Variants in FARP2 observed in about 807,000 individuals in gnomAD.
The protein encoded by FARP2 is FERM, ARHGEF and pleckstrin domain-containing protein 2.
Under a neutral mutation model 130.5 loss-of-function variants are expected in FARP2, and 111 were observed. The ratio of observed to expected loss-of-function variants is 0.85; its 90% confidence interval spans 0.73 to 1.00. The LOEUF (loss-of-function observed/expected upper bound fraction) is 1.00. Among genes scored for constraint, FARP2 ranks in the 50% least tolerant of loss-of-function variants. The pLI is 0.00. For synonymous variants in FARP2, 504 were observed against 516.9 expected (o/e 0.98, Z 0.34); for missense variants, 1,385 against 1,346.3 (o/e 1.03, Z -0.45).
At chr2:241,395,202 A>T (rs1038696787) in intron 2 of FARP2, among the ~76,000 whole-genome samples, 1 of 152,212 alleles carries the variant, frequency 6.6e-6, no homozygotes. Context: ...TGATCAACTC[A>T]GGAGCCACAA....
chr2:241,406,782 TG>T (rs2062364527), intron 4 of FARP2, among the ~76,000 whole-genome samples: 1 of 151,768 alleles, frequency 6.6e-6, no homozygotes, highest in Non-Finnish European at 1.5e-5. Flanking sequence ...TTTTTTAATG[TG>T]CAATTTCCTA....
intron 17 of FARP2, chr2:241,465,750 G>C: frequency 6.4e-7 from 1 of 1,550,662 alleles, no homozygotes; most frequent in East Asian, 2.4e-5. Context: ...CCACAGTGAC[G>C]ACGACGACTC....
chr2:241,483,320 T>G, intron 19 of FARP2, 145 bp from the exon 20 acceptor site: 1 of 681,932 alleles, frequency 1.5e-6, no homozygotes, highest in Non-Finnish European at 2.6e-6. Flanking sequence ...AGGAGCCCCA[T>G]TGGGAGGCTC....
At chr2:241,468,498 C>G (rs908265129) in intron 18 of FARP2, 121 bp downstream of exon 18, 3 of 718,926 alleles carry the variant, frequency 4.2e-6, no homozygotes, top group Non-Finnish European at 7.2e-6. Context: ...CCCATTAGGG[C>G]CTGGACCACA....
intron 13 of FARP2, 199 bp from the exon 14 acceptor site, chr2:241,456,548 T>C: frequency 3.4e-6 from 2 of 585,108 alleles, no homozygotes; most frequent in Non-Finnish European, 6.1e-6. Flanking sequence ...ATTGGGTAGA[T>C]GAACCATCAA....
chr2:241,426,362 GTAGT>G (rs1315743499), intron 8 of FARP2, among the ~76,000 whole-genome samples: 1 of 152,204 alleles, frequency 6.6e-6, no homozygotes, highest in Non-Finnish European at 1.5e-5. Context: ...TATAAAAAAA[GTAGT>G]TAAATTCACT....
intron 26 of FARP2, 48 bp downstream of exon 26, chr2:241,493,492 G>A (rs747579054): frequency 6.3e-6 from 10 of 1,576,548 alleles, no homozygotes; most frequent in Non-Finnish European, 8.7e-6. Flanking sequence ...TTCGATGTCC[G>A]CTCAGCTCCC....
rs1553723710 is a variant in FARP2, at chr2:241,437,670, A to ATTTTATTT, written c.1158+1136_1158+1137insATTTTTTT. ...TATATATTTATTTATTTATTTATTT[A>ATTTTATTT]TTTTTTTTTTTTGAGACGGAGTCTT... On this transcript the variant is annotated intron_variant, in intron 12 of 26. Coordinates refer to ENST00000264042, the MANE Select transcript of FARP2 (RefSeq NM_014808.4). Among the ~76,000 whole-genome samples the ATTTTATTT allele has an allele frequency of 9.5e-4, 126 of 133,122 alleles. 1 individual carries two copies. The highest frequency in any genetic ancestry group is 3.4e-3 in the Admixed American group (37 of 10,930). The allele number at this position is 133,122 out of a possible 152,430, so 87.3% of individuals were successfully genotyped here.
chr2:241,466,724 A>C, intron 17 of FARP2: 1 of 429,450 alleles, frequency 2.3e-6, no homozygotes, highest in Non-Finnish European at 2.9e-6. Flanking sequence ...GTACCCTCCT[A>C]GGGGCTTCCA....
At chr2:241,457,331 T>C (rs1574864402) in intron 14 of FARP2, among the ~76,000 whole-genome samples, 2 of 152,312 alleles carry the variant, frequency 1.3e-5, no homozygotes, top group African/African-American at 4.8e-5. Context: ...GCTTCTACTT[T>C]GACAATTGAG....
intron 2 of FARP2, among the ~76,000 whole-genome samples, chr2:241,388,234 T>C (rs77236136): frequency 0.016 from 2,431 of 152,354 alleles, 42 homozygotes; most frequent in African/African-American, 0.042. Context: ...GATAGACTTA[T>C]AGATCAATGA....
At chr2:241,493,957 G>C in intron 26 of FARP2, 51 bp from the exon 27 acceptor site, 1 of 1,162,040 alleles carries the variant, frequency 8.6e-7, no homozygotes, top group Non-Finnish European at 1.2e-6. Context: ...TCTTGGGACA[G>C]TGTCTGAGCA....
chr2:241,487,631 C>T (rs1170546166), intron 21 of FARP2, among the ~76,000 whole-genome samples: 1 of 142,606 alleles, frequency 7.0e-6, no homozygotes, highest in Non-Finnish European at 1.5e-5. Flanking sequence ...CACACCACTG[C>T]ACTCCAGCCT....
intron 20 of FARP2, 118 bp downstream of exon 20, chr2:241,483,651 G>T: frequency 3.1e-6 from 4 of 1,290,022 alleles, no homozygotes; most frequent in Non-Finnish European, 4.4e-6. Context: ...GCACTTGGAG[G>T]CTTTGGTCCA....
rs559336046 is a variant in FARP2 at position 241,466,207 on chromosome 2, T to TC, written c.1894-1928dup. ...CCCTCACGGGGCATAAGGTCAGTTT[T>TC]CCCCCAGAGCCCGGGCCCCTGTCCC... On this transcript the variant is annotated intron_variant, in intron 17 of 26. Coordinates refer to ENST00000264042, the MANE Select transcript of FARP2 (RefSeq NM_014808.4). 1,392 of 985,360 alleles carry TC rather than the reference T, an allele frequency of 1.4e-3. 1 individual carries two copies. Among genetic ancestry groups the TC allele is most frequent in the Non-Finnish European group, 1.5e-3 (1,241 of 829,908 alleles). 61.0% of individuals were successfully genotyped at this position (985,360 alleles called of 1,614,324 possible).
chr2:241,478,882 G>T, intron 19 of FARP2: 1 of 390,016 alleles, frequency 2.6e-6, no homozygotes, highest in South Asian at 2.4e-5. Flanking sequence ...ATGAAGATCA[G>T]GCCAAGTTCC....
chr2:241,379,579 C>A (rs1333972269), intron 2 of FARP2, among the ~76,000 whole-genome samples: 1 of 152,194 alleles, frequency 6.6e-6, no homozygotes, highest in Admixed American at 6.5e-5. Flanking sequence ...AAGTTCTGTG[C>A]TAGAAGACTT....
chr2:241,453,869 C>T (rs1223258491), intron 13 of FARP2, among the ~76,000 whole-genome samples: 1 of 148,274 alleles, frequency 6.7e-6, no homozygotes, highest in Non-Finnish European at 1.5e-5. Context: ...CTGCAACCTC[C>T]ACCTCCCGGG....
At chr2:241,370,270 G>C (rs897199737) in intron 1 of FARP2, among the ~76,000 whole-genome samples, 1 of 152,174 alleles carries the variant, frequency 6.6e-6, no homozygotes, top group Non-Finnish European at 1.5e-5. Context: ...TTGTTTGCTT[G>C]TATAAGGATA....
Sources: gnomAD v4.1 joint callset for allele counts (sites outside exome capture counted in the v4.1 genomes callset) on GRCh38, gnomAD v4.1.1 for gene constraint, MANE v1.5 for transcripts, NCBI Gene and HGNC (gene_info 2026-07-23, HGNC 2026-07-21) for gene names.